MYCBP2: variants seen among roughly 807,000 people sequenced by gnomAD.
The protein encoded by MYCBP2 is E3 ubiquitin-protein ligase MYCBP2.
MYCBP2 carries 120 observed loss-of-function variants against 525.3 expected under a neutral mutation model. The ratio of observed to expected loss-of-function variants is 0.23; its 90% CI spans 0.20 to 0.27. MYCBP2 has a LOEUF of 0.27. Among genes scored for constraint, MYCBP2 ranks in the 10% least tolerant of loss-of-function variants. The pLI, the probability that MYCBP2 is intolerant of heterozygous loss-of-function variation, is 1.00. For synonymous variants in MYCBP2, 1,894 were observed against 1,955.8 expected (o/e 0.97, Z 0.83); for missense variants, 4,149 against 5,657.1 (o/e 0.73, Z 8.55).
At chr13:77,101,808 T>A (rs920403433) in intron 55 of MYCBP2, among the ~76,000 whole-genome samples, 1 of 152,074 alleles carries the variant, frequency 6.6e-6, no homozygotes, top group Non-Finnish European at 1.5e-5. Context: ...TGCTAATTTA[T>A]GTTTATCTGC....
intron 52 of MYCBP2, among the ~76,000 whole-genome samples, chr13:77,137,801 G>A (rs1257673710): frequency 6.6e-6 from 1 of 152,158 alleles, no homozygotes; most frequent in East Asian, 1.9e-4. Context: ...TGTTGGCCAG[G>A]CTGGTCTCCT....
intron 47 of MYCBP2, 100 bp downstream of exon 47, chr13:77,150,634 T>G (rs908202863): frequency 4.4e-6 from 4 of 918,034 alleles, no homozygotes; most frequent in South Asian, 1.5e-5. Context: ...CAAATGCTCT[T>G]TGGACTTACA....
At chr13:77,288,040 G>A (rs889292213) in intron 3 of MYCBP2, 121 bp downstream of exon 3, 16 of 968,954 alleles carry the variant, frequency 1.7e-5, no homozygotes, top group South Asian at 3.2e-5. Context: ...CCCATAAGCC[G>A]TGTTATTTTT....
intron 1 of MYCBP2, among the ~76,000 whole-genome samples, chr13:77,303,751 T>C (rs1270452432): frequency 6.9e-6 from 1 of 145,684 alleles, no homozygotes; most frequent in African/African-American, 2.5e-5. Flanking sequence ...TCCTTTTGCA[T>C]ACACATAAAT....
At chr13:77,306,774 G>C (rs566151959) in intron 1 of MYCBP2, among the ~76,000 whole-genome samples, 2 of 152,240 alleles carry the variant, frequency 1.3e-5, no homozygotes, top group Non-Finnish European at 2.9e-5. Flanking sequence ...AGAGGAATGA[G>C]AGCAAGCAAA....
intron 51 of MYCBP2, among the ~76,000 whole-genome samples, chr13:77,139,612 ATCAGATGTTT>A (rs1476327809): frequency 2.0e-5 from 3 of 152,216 alleles, no homozygotes; most frequent in African/African-American, 7.2e-5. Context: ...AAACAGTAAA[ATCAGATGTTT>A]CCCAAAGGAA....
At chr13:77,202,436 T>C (rs916648513) in intron 26 of MYCBP2, among the ~76,000 whole-genome samples, 4 of 152,156 alleles carry the variant, frequency 2.6e-5, no homozygotes, top group Non-Finnish European at 4.4e-5. Flanking sequence ...CAGGACCAGA[T>C]GGATTCACAG....
chr13:77,249,999 G>A (rs1397929571), intron 15 of MYCBP2, among the ~76,000 whole-genome samples: 1 of 152,112 alleles, frequency 6.6e-6, no homozygotes, highest in Non-Finnish European at 1.5e-5. Flanking sequence ...CGAGGCGGGC[G>A]GATCACGAGG....
At chr13:77,153,064 CAA>C (rs34811244) in intron 46 of MYCBP2, among the ~76,000 whole-genome samples, 11,289 of 78,954 alleles carry the variant, frequency 0.14, 397 homozygotes, top group African/African-American at 0.2. Flanking sequence ...GACTCTGTCT[CAA>C]AAAAAAAAAA....
Position 77,098,835 on chromosome 13 carries a change from T to C in MYCBP2, c.8319A>G (p.Lys2773=). 1 of 1,613,674 alleles carries C rather than the reference T, an allele frequency of 6.2e-7. No individual in the cohort carries two copies. The highest frequency in any genetic ancestry group is 8.5e-7 in the Non-Finnish European group (1 of 1,179,748). ...CTGACCTCAACTTTGCAGCATCAGA[T>C]TTTAAGATGAGGGATTCACTAGCAG... ...SLSASESLIL[K]SDAAKLRSDS... is the part of the protein sequence containing the mutation. The change falls in exon 56 of 83, where the codon AAA becomes AAG. Residue 2773 remains lysine, a synonymous_variant. Coordinates refer to ENST00000544440, the MANE Select transcript of MYCBP2 (RefSeq NM_015057.5).
intron 1 of MYCBP2, among the ~76,000 whole-genome samples, chr13:77,317,820 C>T (rs946973361): frequency 6.6e-6 from 1 of 152,038 alleles, no homozygotes; most frequent in Non-Finnish European, 1.5e-5. Context: ...ACCTGTAGTC[C>T]CAGCAACTCA....
intron 24 of MYCBP2, among the ~76,000 whole-genome samples, chr13:77,205,953 A>AGTTTTGGATG (rs2063282132): frequency 6.6e-6 from 1 of 152,184 alleles, no homozygotes; most frequent in Non-Finnish European, 1.5e-5. Flanking sequence ...CACAAACTTA[A>AGTTTTGGATG]TCAACACTAG....
At chr13:77,281,997 A>G (rs910297121) in intron 3 of MYCBP2, among the ~76,000 whole-genome samples, 1 of 152,204 alleles carries the variant, frequency 6.6e-6, no homozygotes, top group Admixed American at 6.5e-5. Context: ...TATAAAGCAA[A>G]TATTTGGTAC....
At chr13:77,186,294 T>C (rs569257776) in intron 30 of MYCBP2, among the ~76,000 whole-genome samples, 1 of 152,328 alleles carries the variant, frequency 6.6e-6, no homozygotes, top group East Asian at 1.9e-4. Flanking sequence ...TAGTTAAGCA[T>C]TTCTAAAAAC....
At chr13:77,193,743 G>A (rs1468004472) in intron 27 of MYCBP2, among the ~76,000 whole-genome samples, 1 of 152,118 alleles carries the variant, frequency 6.6e-6, no homozygotes, top group Admixed American at 6.5e-5. Context: ...CATGATGTCA[G>A]AGTACATGGG....
At chr13:77,318,793 T>C (rs962241840) in intron 1 of MYCBP2, among the ~76,000 whole-genome samples, 1 of 152,158 alleles carries the variant, frequency 6.6e-6, no homozygotes, top group African/African-American at 2.4e-5. Flanking sequence ...TACTTGATAA[T>C]ATGACATGTG....
intron 70 of MYCBP2, 28 bp from the exon 71 acceptor site, chr13:77,067,892 T>A: frequency 3.2e-6 from 5 of 1,567,050 alleles, no homozygotes; most frequent in Non-Finnish European, 3.5e-6. Context: ...ATGAGAGAAT[T>A]CCATGTAAAG....
rs2039208295 is a variant in MYCBP2, at chr13:77,061,069, T to G, written c.13036+100A>C. On this transcript the variant is annotated intron_variant, in intron 76 of 82. Coordinates refer to ENST00000544440, the MANE Select transcript of MYCBP2 (RefSeq NM_015057.5). ...AGATCAATGATGTCATAATTAAACA[T>G]CAGAATATCACTCAAAATTATTCAC... The G allele has an allele frequency of 5.6e-6, 7 of 1,257,534 alleles. No homozygotes were observed. The Middle Eastern group carries it at 7.8e-4, about 140-fold the overall frequency. The allele number at this position is 1,257,534 out of a possible 1,614,324, so 77.9% of individuals were successfully genotyped here.
rs1218821317 is a variant in MYCBP2 at position 77,267,954 on chromosome 13, A to C, written c.1261-17T>G. The C allele has an allele frequency of 1.3e-6, 2 of 1,557,206 alleles. No individual in the cohort carries two copies. The highest frequency in any genetic ancestry group is 1.8e-6 in the Non-Finnish European group (2 of 1,131,928). On this transcript the variant is annotated splice_polypyrimidine_tract_variant and intron_variant, in intron 7 of 82. Coordinates refer to ENST00000544440, the MANE Select transcript of MYCBP2 (RefSeq NM_015057.5). ...TAAATAACCCTGATAACAGCAAAAA[A>C]TTTTCCTGTTAAAATATTTATTACT...
Sources: gnomAD v4.1 joint callset for allele counts (sites outside exome capture counted in the v4.1 genomes callset) on GRCh38, gnomAD v4.1.1 for gene constraint, MANE v1.5 for transcripts, NCBI Gene and HGNC (gene_info 2026-07-23, HGNC 2026-07-21) for gene names.